Variants in RHOT1 observed in about 807,000 individuals in gnomAD.
RHOT1 encodes ras homolog family member T1, also known as mitochondrial Rho GTPase 1.
In RHOT1, 27 loss-of-function variants were observed where a neutral mutation model predicts 95.3. The ratio of observed to expected loss-of-function variants is 0.28; its 90% CI spans 0.21 to 0.39. The LOEUF (loss-of-function observed/expected upper bound fraction) is 0.39, where lower values mean the gene tolerates loss of function less well. Among genes scored for constraint, RHOT1 ranks in the 10% least tolerant of loss-of-function variants. The pLI is 1.00. For synonymous variants in RHOT1, 227 were observed against 263.5 expected, an observed-to-expected ratio of 0.86 and a Z score of 1.34; for missense variants, 578 against 786.7, an observed-to-expected ratio of 0.73 and a Z score of 3.17.
chr17:32,216,852 A>G (rs2038509872), intron 19 of RHOT1, among the ~76,000 whole-genome samples: 1 of 152,172 alleles, frequency 6.6e-6, no homozygotes, highest in Non-Finnish European at 1.5e-5. Flanking sequence ...ATTACGTTAT[A>G]GTAAAATATT....
chr17:32,177,701 G>C (rs1165466789), intron 6 of RHOT1, among the ~76,000 whole-genome samples: 4 of 146,892 alleles, frequency 2.7e-5, no homozygotes, highest in Non-Finnish European at 6.0e-5. Context: ...CTTGCAGTGA[G>C]CCGAGATCAC....
intron 11 of RHOT1, among the ~76,000 whole-genome samples, chr17:32,194,351 T>C (rs1326379840): frequency 6.6e-6 from 1 of 152,220 alleles, no homozygotes; most frequent in African/African-American, 2.4e-5. Context: ...TTCAAGCTAA[T>C]TGGGAATATT....
chr17:32,199,110 A>G (rs2037124161), intron 12 of RHOT1, 79 bp downstream of exon 12: 8 of 1,145,114 alleles, frequency 7.0e-6, no homozygotes, highest in Admixed American at 2.0e-5. Flanking sequence ...TCCCTGAGCT[A>G]TGGGATGTGT....
chr17:32,189,038 G>C (rs557482412), intron 8 of RHOT1, among the ~76,000 whole-genome samples: 9 of 152,312 alleles, frequency 5.9e-5, no homozygotes, highest in African/African-American at 1.4e-4. Flanking sequence ...AGTGGTTCAC[G>C]CATGTAATCC....
chr17:32,183,121 G>T, intron 7 of RHOT1, 50 bp from the exon 8 acceptor site: 1 of 1,408,948 alleles, frequency 7.1e-7, no homozygotes, highest in Non-Finnish European at 9.8e-7. Context: ...TTTGAAAATT[G>T]TTTTTAGCTC....
At chr17:32,148,079 C>G (rs2031650656) in intron 1 of RHOT1, among the ~76,000 whole-genome samples, 1 of 152,156 alleles carries the variant, frequency 6.6e-6, no homozygotes, top group African/African-American at 2.4e-5. Flanking sequence ...TCCTGGCTAA[C>G]ACGGTGAAAC....
intron 8 of RHOT1, among the ~76,000 whole-genome samples, chr17:32,184,115 TA>T (rs1232914752): frequency 6.6e-6 from 1 of 152,260 alleles, no homozygotes; most frequent in Admixed American, 6.5e-5. Flanking sequence ...TTCATCCTTT[TA>T]AAGTTGTACT....
At chr17:32,153,406 G>A (rs2032561064) in intron 1 of RHOT1, among the ~76,000 whole-genome samples, 1 of 152,176 alleles carries the variant, frequency 6.6e-6, no homozygotes, top group South Asian at 2.1e-4. Flanking sequence ...TGCCTATAAT[G>A]CCAGCACTTT....
intron 16 of RHOT1, among the ~76,000 whole-genome samples, chr17:32,204,595 T>C (rs1037373525): frequency 3.4e-5 from 5 of 145,872 alleles, no homozygotes; most frequent in African/African-American, 7.7e-5. Flanking sequence ...GATGATTACA[T>C]AGGTTTAGAT....
At chr17:32,200,349 A>G (rs929621959) in intron 13 of RHOT1, among the ~76,000 whole-genome samples, 7 of 151,742 alleles carry the variant, frequency 4.6e-5, no homozygotes, top group Non-Finnish European at 8.8e-5. Context: ...CTCTATCTAG[A>G]TTTTACCAGC....
chr17:32,194,078 G>T lies in RHOT1; in HGVS notation c.840G>T (p.Leu280=). Residue 280 remains leucine (L), a synonymous_variant, in exon 11 of 20, where the codon CTG becomes CTT. Transcript: ENST00000545287. The part of the protein sequence containing the change: ...VLRRFGYDDD[L]DLTPEYLFPL... ...GACGATTTGGTTATGATGATGACCT[G>T]GATTTGACACCTGAATATTTGTTCC... 6.2e-7 allele frequency: 1 copy of T among 1,614,040 alleles called. No individual in the cohort carries two copies. Among genetic ancestry groups the T allele is most frequent in the Non-Finnish European group, 8.5e-7 (1 of 1,179,988 alleles).
At chr17:32,203,828 A>C in intron 15 of RHOT1, 62 bp from the exon 16 acceptor site, 1 of 1,118,450 alleles carries the variant, frequency 8.9e-7, no homozygotes, top group Admixed American at 1.7e-5. Context: ...ATACACAGAG[A>C]TGTTTGTATA....
chr17:32,204,709 T>C (rs28879465), intron 16 of RHOT1, among the ~76,000 whole-genome samples: 43,012 of 151,656 alleles, frequency 0.28, 8,044 homozygotes, highest in African/African-American at 0.54. Context: ...AAAAATGGGT[T>C]AGGCATGGTG....
chr17:32,170,770 G>A (rs908040671), intron 1 of RHOT1, among the ~76,000 whole-genome samples: 3 of 152,174 alleles, frequency 2.0e-5, no homozygotes, highest in Non-Finnish European at 4.4e-5. Flanking sequence ...GTTAATATAA[G>A]TATAGGAAAA....
At position 32,194,052 on chromosome 17, in the gene RHOT1, C is replaced by T. The variant is rs2036689517; in HGVS notation, c.814C>T (p.Arg272Ter). Reference sequence around the variant, plus strand: ...ACACGAAACTACTTGGACTGTGCTTCGACGATTTGGTTATGATGATGACCT... The same window carrying T: ...ACACGAAACTACTTGGACTGTGCTTTGACGATTTGGTTATGATGATGACCT... The part of the protein sequence containing the change: ...GRHETTWTVL[R>*]RFGYDDDLDL... The change falls in exon 11 of 20, where the codon CGA becomes TGA. Residue 272 changes from arginine (R) to a stop codon, truncating the protein, a stop_gained. Coordinates refer to ENST00000545287, the MANE Select transcript of RHOT1 (RefSeq NM_001033566.3). LOFTEE classifies it high-confidence loss of function. 1 of 1,614,070 alleles carries T rather than the reference C, an allele frequency of 6.2e-7. No homozygotes were observed. Among genetic ancestry groups the T allele is most frequent in the Non-Finnish European group, 8.5e-7 (1 of 1,180,016 alleles).
intron 1 of RHOT1, among the ~76,000 whole-genome samples, chr17:32,149,082 T>C (rs778960383): frequency 7.2e-5 from 11 of 152,210 alleles, no homozygotes; most frequent in Non-Finnish European, 1.2e-4. Context: ...TTTTATAGAT[T>C]ACTTCAATAT....
chr17:32,169,088 G>A lies in RHOT1; in HGVS notation c.38-1955G>A, dbSNP rs1359047653. On this transcript the variant is annotated intron_variant, in intron 1 of 19. Transcript: ENST00000545287. ...TCATCTGATCTATCCCTCTACCAGC[G>A]GTACTCGGTTGTTCATAGCCCTCTC... 4.6e-5 allele frequency among the ~76,000 whole-genome samples: 7 copies of A among 152,106 alleles called. No individual in the cohort carries two copies. The South Asian group carries it at 1.5e-3, about 32-fold the overall frequency.
intron 8 of RHOT1, among the ~76,000 whole-genome samples, chr17:32,186,598 C>A (rs764324602): frequency 3.3e-5 from 5 of 152,012 alleles, no homozygotes; most frequent in Non-Finnish European, 7.4e-5. Flanking sequence ...ATCTCCTGAC[C>A]TCGTGATCCG....
In RHOT1 at chr17:32,211,219, T is replaced by C; in HGVS notation, c.1843T>C (p.Phe615Leu). Residue 615 changes from phenylalanine (F) to leucine (L), a missense_variant, in exon 19 of 20, where the codon TTC becomes CTC. Transcript: ENST00000545287. ...DLLQSVKNKI[F>L]TAVLNRHVTQ... ...GCTGCAATCTGTAAAGAACAAAATC[T>C]TCACTGCAGTTCTTAACAGGTTCTT... is the stretch of plus-strand genomic sequence containing the variant. 6.2e-7 allele frequency: 1 copy of C among 1,610,124 alleles called. No individual in the cohort carries two copies. Among genetic ancestry groups the C allele is most frequent in the Non-Finnish European group, 8.5e-7 (1 of 1,177,156 alleles).
Sources: gnomAD v4.1 joint callset for allele counts (sites outside exome capture counted in the v4.1 genomes callset) on GRCh38, gnomAD v4.1.1 for gene constraint, MANE v1.5 for transcripts, NCBI Gene and HGNC (gene_info 2026-07-23, HGNC 2026-07-21) for gene names.